The following NACC2 variants were observed in gnomAD, a reference collection of about 807,000 sequenced individuals.
The protein encoded by NACC2 is nucleus accumbens-associated protein 2.
Under a neutral mutation model 25.1 loss-of-function variants are expected in NACC2, and 8 were observed. The observed-to-expected ratio is 0.32, with a 90% CI of 0.19 to 0.57. NACC2 has a LOEUF of 0.57. Among genes scored for constraint, NACC2 ranks in the 20% least tolerant of loss-of-function variants. NACC2 has a pLI of 0.89. For missense variants in NACC2, 644 were observed against 650.2 expected (o/e 0.99, Z 0.10); for synonymous variants, 435 against 294.7 (o/e 1.48, Z -4.88).
rs1171354220 is a variant in NACC2, at chr9:136,008,997, G to C, written c.*2519C>G. 1 of 152,402 alleles carries C rather than the reference G, an allele frequency of 6.6e-6. No individual in the cohort carries two copies. Among genetic ancestry groups the C allele is most frequent in the Non-Finnish European group, 1.5e-5 (1 of 68,146 alleles). The allele number at this position is 152,402 out of a possible 1,614,324, so 9.4% of individuals were successfully genotyped here. ...GGGGCACGGGACATTGTGCGGGCCT[G>C]AACAGCAGTCAGGCGTCCTCTGTGC... is the stretch of plus-strand genomic sequence containing the variant. On this transcript the variant is annotated 3_prime_UTR_variant, in exon 6 of 6. Transcript: ENST00000277554.
chr9:136,077,544 T>C (rs1170686618), intron 1 of NACC2, among the ~76,000 whole-genome samples: 1 of 152,040 alleles, frequency 6.6e-6, no homozygotes, highest in African/African-American at 2.4e-5. Context: ...GGGCGTGTGG[T>C]CAGAGTATGG....
intron 1 of NACC2, among the ~76,000 whole-genome samples, chr9:136,068,716 A>C (rs1377897551): frequency 6.6e-6 from 1 of 151,696 alleles, no homozygotes; most frequent in Non-Finnish European, 1.5e-5. Context: ...GTCTCAATAA[A>C]GATGTCATTT....
Position 136,011,618 on chromosome 9 carries a change from G to C in NACC2, c.1662C>G (p.Ser554Arg). The C allele has an allele frequency of 7.0e-7, 1 of 1,428,286 alleles. No homozygotes were observed. Among genetic ancestry groups the C allele is most frequent in the Non-Finnish European group, 9.1e-7 (1 of 1,098,156 alleles). 88.5% of individuals were successfully genotyped at this position (1,428,286 alleles called of 1,614,324 possible). A position where few individuals can be genotyped will look rare whatever the true frequency, so the allele number is the denominator to read the frequency against. The change falls in exon 6 of 6, where the codon AGC (serine) becomes AGG (arginine). Residue 554 changes from serine to arginine, a missense_variant. By Grantham distance (110) the Ser-to-Arg change is moderately radical (BLOSUM62 -1). Coordinates refer to ENST00000277554, the MANE Select transcript of NACC2 (RefSeq NM_144653.5). Reference protein sequence around the residue: ...APEPLPADGQSPPQPFEQGGG... With the variant: ...APEPLPADGQRPPQPFEQGGG... ...CGCCCTGCTCAAAGGGCTGTGGGGG[G>C]CTCTGGCCATCGGCGGGCAGCGGCT...
chr9:136,044,621 C>T (rs1840692439), intron 2 of NACC2, among the ~76,000 whole-genome samples: 1 of 152,216 alleles, frequency 6.6e-6, no homozygotes, highest in African/African-American at 2.4e-5. Context: ...TCCCAGGCCA[C>T]AAGGCAGCAG....
intron 1 of NACC2, among the ~76,000 whole-genome samples, chr9:136,094,617 TGGGGCCCGAGTGGGGGAGGC>T (rs1464089650): frequency 6.6e-6 from 1 of 151,970 alleles, no homozygotes; most frequent in Non-Finnish European, 1.5e-5. Context: ...CTCCCCAGGC[TGGGGCCCGAGTGGGGGAGGC>T]GCGGGAGGCG....
intron 2 of NACC2, among the ~76,000 whole-genome samples, chr9:136,029,992 G>A (rs2139882): frequency 0.15 from 23,227 of 152,086 alleles, 2,061 homozygotes; most frequent in African/African-American, 0.22. Flanking sequence ...GGTTTCTGGC[G>A]GGTGAAGCGA....
rs1830356779 is a variant in NACC2 at position 136,084,470 on chromosome 9, C to T, written c.-60+10719G>A. On this transcript the variant is annotated intron_variant, in intron 1 of 5. Coordinates refer to ENST00000277554, the MANE Select transcript of NACC2 (RefSeq NM_144653.5). The surrounding 1 kb of genome is among the most constrained non-coding windows in gnomAD (Gnocchi z 5.1). ...ATCTCTGACGTCCCTGCCCAAGACG[C>T]CAATCACCAGGAGGCCACAGACAAA... 6.6e-6 allele frequency among the ~76,000 whole-genome samples: 1 copy of T among 152,172 alleles called. No individual in the cohort carries two copies. The highest frequency in any genetic ancestry group is 6.5e-5 in the Admixed American group (1 of 15,272).
chr9:136,045,474 GACATCTGCCAGCTGCAATTAA>G (rs1453592172), intron 2 of NACC2, among the ~76,000 whole-genome samples: 164 of 152,314 alleles, frequency 1.1e-3, no homozygotes, highest in African/African-American at 3.8e-3. Context: ...CACACAGAGT[GACATCTGCCAGCTGCAATTAA>G]ACATCTGCCC....
intron 1 of NACC2, among the ~76,000 whole-genome samples, chr9:136,070,763 A>G (rs1040089572): frequency 6.6e-6 from 1 of 151,652 alleles, no homozygotes; most frequent in African/African-American, 2.4e-5. Flanking sequence ...AAACAAGAAC[A>G]GAGGAGGAAA....
rs13439890 is a variant in NACC2, at chr9:136,054,380, G to A, written c.-59-3800C>T. Among the ~76,000 whole-genome samples the A allele has an allele frequency of 8.4e-3, 1,276 of 152,300 alleles. 22 individuals carry two copies. The highest frequency in any genetic ancestry group is 0.029 in the African/African-American group (1,195 of 41,538). On this transcript the variant is annotated intron_variant, in intron 1 of 5. Coordinates refer to ENST00000277554, the MANE Select transcript of NACC2 (RefSeq NM_144653.5). The stretch of plus-strand genomic sequence containing the variant: ...GGCTTGTCCTCAGGCCACCTGCACC[G>A]GTGAGGCTGCAGCCCCACGCCCCAG...
At chr9:136,045,867 C>T (rs939325001) in intron 2 of NACC2, among the ~76,000 whole-genome samples, 7 of 152,156 alleles carry the variant, frequency 4.6e-5, no homozygotes, top group Non-Finnish European at 7.4e-5. Context: ...GGAACAGACC[C>T]CTGAGCGCAG....
Position 136,055,804 on chromosome 9 carries a change from G to C in NACC2, c.-59-5224C>G, listed in dbSNP as rs192888342. On this transcript the variant is annotated intron_variant, in intron 1 of 5. Coordinates refer to ENST00000277554, the MANE Select transcript of NACC2 (RefSeq NM_144653.5). This position sits in a 1 kb window ranked among gnomAD's most constrained non-coding sequence, Gnocchi z 4.9. ...GCGGAGGGGAGAGTCCCTCTACCCC[G>C]AGCCCCGGCCCCTGGTGGAGACTGC... 2.0e-5 allele frequency among the ~76,000 whole-genome samples: 3 copies of C among 152,152 alleles called. No individual in the cohort carries two copies. Among genetic ancestry groups the C allele is most frequent in the Non-Finnish European group, 4.4e-5 (3 of 68,032 alleles).
chr9:136,041,353 G>A (rs1407934816), intron 2 of NACC2, among the ~76,000 whole-genome samples: 1 of 152,054 alleles, frequency 6.6e-6, no homozygotes, highest in African/African-American at 2.4e-5. Flanking sequence ...CCAGGAGGCG[G>A]AGGCTGCAGT....
intron 1 of NACC2, among the ~76,000 whole-genome samples, chr9:136,070,581 G>A (rs1291643768): frequency 2.0e-5 from 3 of 151,490 alleles, no homozygotes; most frequent in Non-Finnish European, 4.4e-5. Flanking sequence ...AGGTGGGGCT[G>A]AGAGGAAAAT....
intron 1 of NACC2, among the ~76,000 whole-genome samples, chr9:136,059,322 A>G (rs1235361635): frequency 1.3e-5 from 2 of 152,160 alleles, no homozygotes; most frequent in Non-Finnish European, 2.9e-5. Flanking sequence ...TGGTGTCCAG[A>G]TGCATGCACC....
chr9:136,085,630 AG>A (rs1412559151), intron 1 of NACC2, among the ~76,000 whole-genome samples: 2 of 152,194 alleles, frequency 1.3e-5, no homozygotes, highest in Non-Finnish European at 2.9e-5. Context: ...GGGTGGGTAC[AG>A]GCGGGTGGCG....
At chr9:136,041,324 A>G (rs1296402868) in intron 2 of NACC2, among the ~76,000 whole-genome samples, 2 of 151,994 alleles carry the variant, frequency 1.3e-5, no homozygotes, top group Non-Finnish European at 2.9e-5. Context: ...CAGGAGGCTG[A>G]GGCAGAAACT....
At chr9:136,023,048 AG>A (rs2131140116) in intron 2 of NACC2, among the ~76,000 whole-genome samples, 1 of 6,528 alleles carries the variant, frequency 1.5e-4, no homozygotes, top group Non-Finnish European at 3.1e-4. Flanking sequence ...GAGGGAGGGA[AG>A]GAGGGAGGAA....
In NACC2 at chr9:136,023,208, G is replaced by A. The variant is rs935438554; in HGVS notation, c.887-6779C>T. On this transcript the variant is annotated intron_variant, in intron 2 of 5. Transcript: ENST00000277554. Reference sequence around the variant, plus strand: ...ATGGAAAGGGGCTCGCTGGTCTCTCGAGTCCCCATGCCCACACTCATGGGT... The same window carrying A: ...ATGGAAAGGGGCTCGCTGGTCTCTCAAGTCCCCATGCCCACACTCATGGGT... Among the ~76,000 whole-genome samples the A allele has an allele frequency of 6.2e-4, 93 of 150,562 alleles. 1 individual carries two copies. Among genetic ancestry groups the A allele is most frequent in the African/African-American group, 2.2e-3 (89 of 40,898 alleles).
Sources: allele counts gnomAD v4.1 joint callset (sites outside exome capture counted in the v4.1 genomes callset), GRCh38; gene constraint gnomAD v4.1.1; non-coding constraint Gnocchi (gnomAD v3.1); transcripts MANE v1.5; gene names NCBI Gene and HGNC (gene_info 2026-07-23, HGNC 2026-07-21).